The following FRAS1 variants were observed in gnomAD, a reference collection of about 807,000 sequenced individuals.
The protein encoded by FRAS1 is Fraser extracellular matrix complex subunit 1.
FRAS1 carries 290 observed loss-of-function variants against 435.2 expected under a neutral mutation model. The ratio of observed to expected loss-of-function variants is 0.67; its 90% CI spans 0.61 to 0.73. The LOEUF is 0.73. Among genes scored for constraint, FRAS1 ranks in the 30% least tolerant of loss-of-function variants. FRAS1 has a pLI of 0.00. For missense variants in FRAS1, 4,860 were observed against 5,001.5 expected (o/e 0.97, Z 0.85); for synonymous variants, 1,800 against 1,851.0 (o/e 0.97, Z 0.71).
At position 78,421,980 on chromosome 4, in the gene FRAS1, T is replaced by A; in HGVS notation, c.4658T>A (p.Leu1553His). ...PPPAAPHLQE[L>H]MAFSFAGLPE... ...CCGGCAGCACCCCACCTCCAGGAGC[T>A]CATGGCCTTCTCGTTCGCTGGTAAT... Residue 1553 changes from leucine (L) to histidine (H), a missense_variant, in exon 34 of 74, where the codon CTC (leucine) becomes CAC (histidine). Physicochemically the swap from Leu to His is moderately conservative, Grantham distance 99. Coordinates refer to ENST00000512123, the MANE Select transcript of FRAS1 (RefSeq NM_025074.7). The A allele has an allele frequency of 1.2e-6, 2 of 1,612,564 alleles. No homozygotes were observed. Among genetic ancestry groups the A allele is most frequent in the Non-Finnish European group, 1.7e-6 (2 of 1,179,188 alleles).
chr4:78,231,158 TGTTGG>T, intron 2 of FRAS1, among the ~76,000 whole-genome samples: 1 of 152,170 alleles, frequency 6.6e-6, no homozygotes, highest in Non-Finnish European at 1.5e-5. Flanking sequence ...GGCTTCACCA[TGTTGG>T]CCAGGCTGGT....
chr4:78,470,125 C>T (rs1719658623), intron 51 of FRAS1, 34 bp downstream of exon 51: 2 of 1,385,958 alleles, frequency 1.4e-6, no homozygotes, highest in African/African-American at 1.4e-5. Context: ...TTCACACCAC[C>T]CAACTTGGGC....
In FRAS1 at chr4:78,542,788, G is replaced by C. The variant is rs1376670318; in HGVS notation, c.*1664G>C. 1 of 152,510 alleles carries C rather than the reference G, an allele frequency of 6.6e-6. No homozygotes were observed. Among genetic ancestry groups the C allele is most frequent in the Non-Finnish European group, 1.5e-5 (1 of 68,046 alleles). 9.4% of individuals were successfully genotyped at this position (152,510 alleles called of 1,614,324 possible). A position where few individuals can be genotyped will look rare whatever the true frequency, so the allele number is the denominator to read the frequency against. On this transcript the variant is annotated 3_prime_UTR_variant, in exon 74 of 74. Coordinates refer to ENST00000512123, the MANE Select transcript of FRAS1 (RefSeq NM_025074.7). ...AATGGTGTCATGGGTGAATGATGGG[G>C]AGTAAATTTAGGAAGGGGAAGTGAG...
chr4:78,283,954 T>C (rs943821), intron 12 of FRAS1, among the ~76,000 whole-genome samples: 46,050 of 151,970 alleles, frequency 0.3, 7,710 homozygotes, highest in East Asian at 0.38. Flanking sequence ...AAGAAGAAAA[T>C]GGGGTGCATT....
chr4:78,397,962 A>AT (rs375320515), intron 29 of FRAS1, among the ~76,000 whole-genome samples: 111 of 149,780 alleles, frequency 7.4e-4, no homozygotes, highest in South Asian at 2.1e-3. Flanking sequence ...TCTATTGTTG[A>AT]TTTTTTTTTT....
chr4:78,157,112 A>G (rs1174282914), intron 2 of FRAS1, among the ~76,000 whole-genome samples: 2 of 152,136 alleles, frequency 1.3e-5, no homozygotes, highest in Non-Finnish European at 1.5e-5. Flanking sequence ...CACCTAGGAC[A>G]ATGGCCTCCA....
chr4:78,346,454 C>G (rs1730607767), intron 20 of FRAS1, among the ~76,000 whole-genome samples: 2 of 152,150 alleles, frequency 1.3e-5, no homozygotes, highest in Admixed American at 1.3e-4. Flanking sequence ...AGTCCTGGAG[C>G]TGGGCTCTGA....
intron 2 of FRAS1, among the ~76,000 whole-genome samples, chr4:78,203,056 T>C (rs1320390389): frequency 6.6e-6 from 1 of 152,214 alleles, no homozygotes; most frequent in Admixed American, 6.5e-5. Flanking sequence ...GTACTTGGGG[T>C]ATTGAAAATA....
At chr4:78,194,638 C>T (rs1431530264) in intron 2 of FRAS1, among the ~76,000 whole-genome samples, 3 of 152,134 alleles carry the variant, frequency 2.0e-5, no homozygotes, top group Non-Finnish European at 4.4e-5. Context: ...CCTTTAAGGA[C>T]TTCTCTGAAT....
At chr4:78,191,182 T>C (rs559864395) in intron 2 of FRAS1, among the ~76,000 whole-genome samples, 17 of 152,220 alleles carry the variant, frequency 1.1e-4, no homozygotes, top group Non-Finnish European at 2.1e-4. Flanking sequence ...TATATTGTTA[T>C]AGCACCCTCA....
chr4:78,232,018 C>G (rs1037992636), intron 2 of FRAS1, among the ~76,000 whole-genome samples: 2 of 151,966 alleles, frequency 1.3e-5, no homozygotes, highest in Non-Finnish European at 2.9e-5. Flanking sequence ...TTTAAAGTGT[C>G]GGAATTGCAA....
At chr4:78,119,973 C>T (rs1718916884) in intron 2 of FRAS1, among the ~76,000 whole-genome samples, 1 of 152,138 alleles carries the variant, frequency 6.6e-6, no homozygotes, top group Admixed American at 6.5e-5. Flanking sequence ...CTGTTTTTCC[C>T]TGCTTGTCTA....
chr4:78,113,931 A>C (rs1222257844), intron 2 of FRAS1, among the ~76,000 whole-genome samples: 1 of 152,126 alleles, frequency 6.6e-6, no homozygotes, highest in Non-Finnish European at 1.5e-5. Flanking sequence ...GGTATTGCCT[A>C]GGTTTTCTTC....
At chr4:78,101,878 C>T (rs1206395534) in intron 2 of FRAS1, among the ~76,000 whole-genome samples, 3 of 152,158 alleles carry the variant, frequency 2.0e-5, no homozygotes, top group South Asian at 2.1e-4. Context: ...TGTTGACAGT[C>T]ACGGAGTGCA....
intron 2 of FRAS1, among the ~76,000 whole-genome samples, chr4:78,136,446 C>T (rs56368720): frequency 0.16 from 24,883 of 152,038 alleles, 2,223 homozygotes; most frequent in Admixed American, 0.2. Flanking sequence ...TTCTCAATTA[C>T]GGAATCCATG....
intron 18 of FRAS1, among the ~76,000 whole-genome samples, chr4:78,324,615 GA>G (rs750681025): frequency 1.3e-5 from 2 of 151,016 alleles, no homozygotes; most frequent in Non-Finnish European, 3.0e-5. Flanking sequence ...ACCAAGTAAA[GA>G]ATGATTTAGC....
intron 2 of FRAS1, among the ~76,000 whole-genome samples, chr4:78,184,790 A>G (rs1380603408): frequency 6.6e-6 from 1 of 152,186 alleles, no homozygotes; most frequent in African/African-American, 2.4e-5. Flanking sequence ...AGGCCCATCA[A>G]AGATGATGTC....
At chr4:78,533,917 C>T (rs1482584896) in intron 70 of FRAS1, among the ~76,000 whole-genome samples, 1 of 152,092 alleles carries the variant, frequency 6.6e-6, no homozygotes, top group East Asian at 1.9e-4. Flanking sequence ...CAATAAGGGT[C>T]CCAGAACTGA....
At chr4:78,204,491 A>C (rs1723171839) in intron 2 of FRAS1, among the ~76,000 whole-genome samples, 3 of 152,250 alleles carry the variant, frequency 2.0e-5, no homozygotes, top group African/African-American at 4.8e-5. Context: ...TGCTAACTAA[A>C]GGAATAAATT....
Sources: allele counts gnomAD v4.1 joint callset (sites outside exome capture counted in the v4.1 genomes callset), GRCh38; gene constraint gnomAD v4.1.1; transcripts MANE v1.5; gene names NCBI Gene and HGNC (gene_info 2026-07-23, HGNC 2026-07-21).